SEMA3E: variants seen among roughly 807,000 people sequenced by gnomAD.
SEMA3E encodes the protein semaphorin 3E.
A neutral mutation model predicts 93.6 loss-of-function variants in SEMA3E; 49 were observed. The observed-to-expected ratio is 0.52, with a 90% CI of 0.42 to 0.66. The LOEUF is 0.66. SEMA3E is among the 30% of genes least tolerant of loss of function. The pLI is 0.00. For synonymous variants in SEMA3E, 363 were observed against 330.7 expected (o/e 1.10, Z -1.06); for missense variants, 906 against 964.8 (o/e 0.94, Z 0.81).
intron 4 of SEMA3E, among the ~76,000 whole-genome samples, chr7:83,455,137 T>C (rs1686698283): frequency 6.6e-6 from 1 of 152,230 alleles, no homozygotes; most frequent in Non-Finnish European, 1.5e-5. Context: ...AGGCAAAATA[T>C]ATTTGCATGA....
At chr7:83,389,677 G>A (rs867251433) in intron 14 of SEMA3E, among the ~76,000 whole-genome samples, 8 of 144,808 alleles carry the variant, frequency 5.5e-5, no homozygotes, top group African/African-American at 1.8e-4. Context: ...ACATATACAC[G>A]TATATATTAC....
At chr7:83,380,747 A>G (rs2116909968) in intron 16 of SEMA3E, among the ~76,000 whole-genome samples, 1 of 152,070 alleles carries the variant, frequency 6.6e-6, no homozygotes, top group East Asian at 1.9e-4. Context: ...TAAACTTCAC[A>G]AGAGCTAAGA....
intron 1 of SEMA3E, among the ~76,000 whole-genome samples, chr7:83,596,362 C>T (rs534093115): frequency 7.9e-5 from 12 of 152,008 alleles, no homozygotes; most frequent in Non-Finnish European, 1.6e-4. Flanking sequence ...GGAACCCTGG[C>T]TTCTTTTAAC....
chr7:83,485,670 C>A (rs1276054540), intron 2 of SEMA3E, among the ~76,000 whole-genome samples: 1 of 151,606 alleles, frequency 6.6e-6, no homozygotes, highest in Non-Finnish European at 1.5e-5. Flanking sequence ...AGAATATATA[C>A]TGTATGGGAA....
chr7:83,562,923 C>A (rs1246679009), intron 1 of SEMA3E, among the ~76,000 whole-genome samples: 2 of 152,110 alleles, frequency 1.3e-5, no homozygotes, highest in Non-Finnish European at 1.5e-5. Flanking sequence ...TGAAACAGAC[C>A]AGTTGCCTTC....
chr7:83,397,120 AT>A (rs1788138378), intron 11 of SEMA3E, among the ~76,000 whole-genome samples: 1 of 151,902 alleles, frequency 6.6e-6, no homozygotes, highest in Non-Finnish European at 1.5e-5. Flanking sequence ...TTCAAATAAA[AT>A]TTGAAATCCA....
intron 15 of SEMA3E, 85 bp downstream of exon 15, chr7:83,386,898 A>G (rs1787893415): frequency 1.7e-6 from 2 of 1,189,532 alleles, no homozygotes; most frequent in Non-Finnish European, 2.5e-6. Context: ...TCACAAAGAA[A>G]AAAAGGACTC....
chr7:83,502,369 C>T (rs1181430567), intron 1 of SEMA3E, among the ~76,000 whole-genome samples: 1 of 152,128 alleles, frequency 6.6e-6, no homozygotes, highest in Non-Finnish European at 1.5e-5. Context: ...TAAAATCTGG[C>T]TCAAAGTCTG....
In SEMA3E at chr7:83,407,202, A is replaced by G. The variant is rs1399787086; in HGVS notation, c.708T>C (p.Asn236=). The change falls in exon 7 of 17, where the codon AAT becomes AAC. Residue 236 remains asparagine (N), a synonymous_variant. Transcript: ENST00000643230. The part of the protein sequence containing the change: ...KFVGSYMIPD[N]EDRDDNKVYF... ...ATACTTTGTTGTCATCTCTGTCTTC[A>G]TTGTCAGGAATCATGTATGAACCTA... 6.2e-6 allele frequency: 10 copies of G among 1,613,282 alleles called. No homozygotes were observed. The highest frequency in any genetic ancestry group is 8.5e-6 in the Non-Finnish European group (10 of 1,179,712).
chr7:83,599,203 G>A (rs1792935023), intron 1 of SEMA3E, among the ~76,000 whole-genome samples: 1 of 152,130 alleles, frequency 6.6e-6, no homozygotes, highest in Non-Finnish European at 1.5e-5. Context: ...AGTCACTAGT[G>A]CTTAATACTT....
intron 1 of SEMA3E, among the ~76,000 whole-genome samples, chr7:83,574,607 A>G (rs1792362422): frequency 1.3e-5 from 2 of 152,202 alleles, no homozygotes; most frequent in Admixed American, 1.3e-4. Flanking sequence ...ATGAGACAAA[A>G]GCAAACACTA....
At chr7:83,521,941 G>A (rs79764789) in intron 1 of SEMA3E, among the ~76,000 whole-genome samples, 2 of 152,190 alleles carry the variant, frequency 1.3e-5, no homozygotes, top group Admixed American at 6.6e-5. Flanking sequence ...ATTAAGCCAC[G>A]TGATATCTAA....
intron 1 of SEMA3E, among the ~76,000 whole-genome samples, chr7:83,622,268 AACCATAATGAGAT>A (rs61477247): frequency 0.28 from 42,491 of 151,828 alleles, 6,434 homozygotes; most frequent in South Asian, 0.35. Context: ...TGCAAATAAA[AACCATAATGAGAT>A]ACCATCTCCT....
chr7:83,465,442 G>A (rs1036182358), intron 4 of SEMA3E, among the ~76,000 whole-genome samples: 5 of 152,132 alleles, frequency 3.3e-5, no homozygotes, highest in Non-Finnish European at 5.9e-5. Flanking sequence ...TAAAGCACGG[G>A]CTCTCTCCAG....
At chr7:83,570,958 T>C (rs1269707067) in intron 1 of SEMA3E, among the ~76,000 whole-genome samples, 1 of 150,324 alleles carries the variant, frequency 6.7e-6, no homozygotes, top group Admixed American at 6.6e-5. Flanking sequence ...AGGAAATGAA[T>C]AAATTCCTGG....
chr7:83,525,733 T>C (rs1488346415), intron 1 of SEMA3E, among the ~76,000 whole-genome samples: 1 of 151,894 alleles, frequency 6.6e-6, no homozygotes. Context: ...ATCTTTATTT[T>C]CTTCCAGAAT....
At chr7:83,401,983 CA>C (rs1017694328) in intron 10 of SEMA3E, among the ~76,000 whole-genome samples, 23 of 152,022 alleles carry the variant, frequency 1.5e-4, no homozygotes, top group African/African-American at 4.3e-4. Context: ...GCTAAAAGCA[CA>C]AAAGACTTCA....
At chr7:83,592,717 C>T (rs573743171) in intron 1 of SEMA3E, among the ~76,000 whole-genome samples, 8 of 151,952 alleles carry the variant, frequency 5.3e-5, no homozygotes, top group African/African-American at 1.4e-4. Flanking sequence ...ACCAAATTTG[C>T]GAGTAATTGC....
intron 1 of SEMA3E, among the ~76,000 whole-genome samples, chr7:83,627,473 A>G (rs919817913): frequency 6.6e-6 from 1 of 151,796 alleles, no homozygotes; most frequent in Non-Finnish European, 1.5e-5. Flanking sequence ...TAGTTAGCGA[A>G]TCTGGGTGTT....
Sources: allele counts gnomAD v4.1 joint callset (sites outside exome capture counted in the v4.1 genomes callset), GRCh38; gene constraint gnomAD v4.1.1; transcripts MANE v1.5; gene names NCBI Gene and HGNC (gene_info 2026-07-23, HGNC 2026-07-21).